The following TEX14 variants were observed in gnomAD, a reference collection of about 807,000 sequenced individuals.
The protein encoded by TEX14 is inactive serine/threonine-protein kinase TEX14.
Under a neutral mutation model 178.6 loss-of-function variants are expected in TEX14, and 168 were observed. The observed-to-expected ratio is 0.94, with a 90% CI of 0.83 to 1.07. The LOEUF is 1.07. Among genes scored for constraint, TEX14 ranks in the 50% least tolerant of loss-of-function variants. TEX14 has a pLI of 0.00. For synonymous variants in TEX14, 626 were observed against 634.1 expected, an observed-to-expected ratio of 0.99 and a Z score of 0.19; for missense variants, 1,730 against 1,753.6, an observed-to-expected ratio of 0.99 and a Z score of 0.24.
intron 1 of TEX14, chr17:58,661,228 G>A: frequency 1.3e-6 from 1 of 794,738 alleles, no homozygotes; most frequent in East Asian, 2.4e-5. Context: ...GCTCAAACTC[G>A]GCCACACGAT....
At chr17:58,631,770 G>C (rs187313561) in intron 2 of TEX14, 3 of 152,010 alleles carry the variant, frequency 2.0e-5, no homozygotes, top group African/African-American at 7.2e-5. Context: ...GGTTTCCAGC[G>C]TTCTACACGT....
rs1555577606 is a variant in TEX14 at position 58,640,644 on chromosome 17, T to TGTGTGTGTGA, written c.137-10091_137-10090insTCACACACAC. Among the ~76,000 whole-genome samples the TGTGTGTGTGA allele has an allele frequency of 8.5e-3, 1,249 of 147,108 alleles. 11 individuals carry two copies. Among genetic ancestry groups the TGTGTGTGTGA allele is most frequent in the African/African-American group, 0.024 (967 of 39,826 alleles). On this transcript the variant is annotated intron_variant, in intron 2 of 31. Transcript: ENST00000349033. Reference sequence around the variant, plus strand: ...GTGTGTGTGTGTGTGTGTGTGTGTGTGAGAGAGAGAGAGAGAATGATAAAT... The same window carrying TGTGTGTGTGA: ...GTGTGTGTGTGTGTGTGTGTGTGTGTGTGTGTGTGAGAGAGAGAGAGAGAGAATGATAAAT...
At position 58,591,433 on chromosome 17, in the gene TEX14, G is replaced by A. The variant is rs111606982; in HGVS notation, c.2576+2122C>T. 9.2e-3 allele frequency among the ~76,000 whole-genome samples: 1,395 copies of A among 152,216 alleles called. 23 individuals are homozygous for A. Among genetic ancestry groups the A allele is most frequent in the African/African-American group, 0.031 (1,291 of 41,530 alleles). ...CTTGGGAGGATGAGGCAGGAGAATCGCTTGAACCTGGGAGGTGGAGGTTGC... is the reference window on the plus strand; with the variant it reads ...CTTGGGAGGATGAGGCAGGAGAATCACTTGAACCTGGGAGGTGGAGGTTGC... On this transcript the variant is annotated intron_variant, in intron 15 of 31. Transcript: ENST00000349033.
At chr17:58,640,551 G>A (rs1195868181) in intron 2 of TEX14, among the ~76,000 whole-genome samples, 2 of 151,280 alleles carry the variant, frequency 1.3e-5, no homozygotes, top group African/African-American at 4.9e-5. Flanking sequence ...CTAAGAATTG[G>A]GCATATAGCA....
At chr17:58,558,240 A>G (rs1222253096) in intron 30 of TEX14, among the ~76,000 whole-genome samples, 2 of 152,248 alleles carry the variant, frequency 1.3e-5, no homozygotes, top group African/African-American at 2.4e-5. Flanking sequence ...AGGTTTATTT[A>G]GAGTTAAGGG....
chr17:58,591,951 C>G (rs886248409), intron 15 of TEX14, among the ~76,000 whole-genome samples: 1 of 151,132 alleles, frequency 6.6e-6, no homozygotes. Context: ...CCCAGCTACT[C>G]AGGAGGCTGA....
At chr17:58,615,384 G>T in intron 7 of TEX14, 39 bp from the exon 8 acceptor site, 2 of 1,240,654 alleles carry the variant, frequency 1.6e-6, no homozygotes, top group East Asian at 2.3e-5. Context: ...AAAGGAGTGA[G>T]CAGCCACTTA....
intron 28 of TEX14, among the ~76,000 whole-genome samples, chr17:58,562,221 C>G (rs2044287492): frequency 6.6e-6 from 1 of 152,210 alleles, no homozygotes; most frequent in Non-Finnish European, 1.5e-5. Flanking sequence ...TTCTAGGTCA[C>G]TGAGTTAGTT....
At chr17:58,573,352 A>G (rs932356714) in intron 22 of TEX14, 44 bp from the exon 23 acceptor site, 5 of 1,590,624 alleles carry the variant, frequency 3.1e-6, no homozygotes, top group Non-Finnish European at 4.3e-6. Context: ...AGATGACTAG[A>G]AAAATCAAAC....
intron 28 of TEX14, among the ~76,000 whole-genome samples, chr17:58,563,697 AGAGAGC>A (rs201569929): frequency 0.13 from 3,186 of 24,584 alleles, 228 homozygotes; most frequent in African/African-American, 0.19. Flanking sequence ...AGAGAGAGAG[AGAGAGC>A]GCAAGATCAT....
rs200366670 is a variant in TEX14 at position 58,621,799 on chromosome 17, G to C, written c.418-13C>G. ...TGAACTCCACTATCTGCAAAACATC[G>C]CAGAGATGCCCAGTGCGGGCGCACC... On this transcript the variant is annotated splice_polypyrimidine_tract_variant and intron_variant, in intron 4 of 31. Transcript: ENST00000349033. 1 of 1,609,976 alleles carries C rather than the reference G, an allele frequency of 6.2e-7. No homozygotes were observed. Among genetic ancestry groups the C allele is most frequent in the Non-Finnish European group, 8.5e-7 (1 of 1,177,570 alleles).
At chr17:58,660,079 C>T (rs1037621073) in intron 1 of TEX14, among the ~76,000 whole-genome samples, 2 of 151,530 alleles carry the variant, frequency 1.3e-5, no homozygotes, top group Admixed American at 1.3e-4. Context: ...TGATGGCTCA[C>T]ATCATCTAGG....
chr17:58,629,937 G>A (rs1210673861), intron 3 of TEX14, among the ~76,000 whole-genome samples: 12 of 139,482 alleles, frequency 8.6e-5, no homozygotes, highest in East Asian at 4.1e-4. Context: ...TTTTTTTGAC[G>A]GAGTTTTGCT....
chr17:58,673,528 T>C (rs1188516041), intron 1 of TEX14, among the ~76,000 whole-genome samples: 2 of 151,740 alleles, frequency 1.3e-5, no homozygotes, highest in Admixed American at 1.3e-4. Context: ...AATAATTGTA[T>C]TGTAACTTAT....
intron 2 of TEX14, among the ~76,000 whole-genome samples, chr17:58,646,949 A>G (rs982686745): frequency 1.3e-5 from 2 of 149,130 alleles, no homozygotes; most frequent in African/African-American, 5.0e-5. Context: ...CTTGTTTCCC[A>G]GGCTGGAGTG....
At chr17:58,684,387 G>A (rs141550245) in intron 1 of TEX14, among the ~76,000 whole-genome samples, 1,872 of 151,828 alleles carry the variant, frequency 0.012, 16 homozygotes, top group Middle Eastern at 0.041. Flanking sequence ...GCTTGAACAC[G>A]GGAGGCGGAG....
At chr17:58,675,434 G>A (rs751386416) in intron 1 of TEX14, 1 of 154,462 alleles carries the variant, frequency 6.5e-6, no homozygotes, top group Non-Finnish European at 1.5e-5. Context: ...GAAGTGAGAG[G>A]AGATGAGAAG....
At chr17:58,618,862 A>G (rs1477850987) in intron 5 of TEX14, among the ~76,000 whole-genome samples, 1 of 152,212 alleles carries the variant, frequency 6.6e-6, no homozygotes, top group Non-Finnish European at 1.5e-5. Flanking sequence ...GAGCATCCCA[A>G]TTTACACCTG....
chr17:58,668,683 G>A (rs932008285), intron 1 of TEX14, among the ~76,000 whole-genome samples: 1 of 152,146 alleles, frequency 6.6e-6, no homozygotes, highest in Non-Finnish European at 1.5e-5. Context: ...TCCCCAGAGA[G>A]GACTTCTTTT....
Sources: allele counts gnomAD v4.1 joint callset (sites outside exome capture counted in the v4.1 genomes callset), GRCh38; gene constraint gnomAD v4.1.1; transcripts MANE v1.5; gene names NCBI Gene and HGNC (gene_info 2026-07-23, HGNC 2026-07-21).